Variants in POLR3B observed in about 807,000 individuals in gnomAD.
POLR3B encodes the protein RNA polymerase III subunit B, also known as DNA-directed RNA polymerase III subunit RPC2.
POLR3B carries 96 observed loss-of-function variants against 147.4 expected under a neutral mutation model. The observed-to-expected ratio is 0.65, with a 90% confidence interval of 0.55 to 0.77. POLR3B has a LOEUF of 0.77. POLR3B is among the 30% of genes least tolerant of loss of function. The probability of loss-of-function intolerance (pLI) is 0.00; values close to 1 mark genes in which losing one functional copy is unlikely to be tolerated. For synonymous variants in POLR3B, 461 were observed against 485.9 expected, an observed-to-expected ratio of 0.95 and a Z score of 0.67; for missense variants, 1,036 against 1,413.5, an observed-to-expected ratio of 0.73 and a Z score of 4.28.
At chr12:106,507,069 A>G (rs1190436907) in intron 27 of POLR3B, among the ~76,000 whole-genome samples, 2 of 152,186 alleles carry the variant, frequency 1.3e-5, no homozygotes, top group Non-Finnish European at 2.9e-5. Flanking sequence ...TGTTCTACAG[A>G]AGACACTAAG....
chr12:106,454,053 A>G (rs2037833495), intron 19 of POLR3B, among the ~76,000 whole-genome samples: 1 of 152,086 alleles, frequency 6.6e-6, no homozygotes, highest in South Asian at 2.1e-4. Flanking sequence ...TTTTTCATTT[A>G]GAACTTTTGC....
At chr12:106,496,989 G>A in intron 25 of POLR3B, 71 bp downstream of exon 25, 1 of 1,458,572 alleles carries the variant, frequency 6.9e-7, no homozygotes, top group Non-Finnish European at 9.5e-7. Context: ...AAAGCCTTAA[G>A]GTATACTCTA....
intron 18 of POLR3B, among the ~76,000 whole-genome samples, chr12:106,442,097 G>A (rs534475086): frequency 0.056 from 4,577 of 81,692 alleles, 167 homozygotes; most frequent in African/African-American, 0.23. Context: ...AAAAAAGAAA[G>A]AAAGAAAGAA....
At chr12:106,433,133 T>G (rs571984088) in intron 15 of POLR3B, among the ~76,000 whole-genome samples, 14 of 152,224 alleles carry the variant, frequency 9.2e-5, no homozygotes, top group Non-Finnish European at 1.9e-4. Context: ...TTTTTATATC[T>G]GCTGGTGAGG....
At chr12:106,376,309 T>C (rs773749536) in intron 6 of POLR3B, 50 bp from the exon 7 acceptor site, 3 of 1,294,992 alleles carry the variant, frequency 2.3e-6, no homozygotes, top group Non-Finnish European at 3.3e-6. Flanking sequence ...TTGCAGCTTT[T>C]ATCATTGACA....
intron 18 of POLR3B, among the ~76,000 whole-genome samples, chr12:106,442,143 A>C (rs771261175): frequency 1.1e-4 from 16 of 151,450 alleles, no homozygotes; most frequent in Non-Finnish European, 1.6e-4. Flanking sequence ...TTCTAAACTG[A>C]TGATTTTAAA....
intron 25 of POLR3B, 145 bp from the exon 26 acceptor site, chr12:106,501,178 A>T (rs766901570): frequency 4.0e-5 from 27 of 676,616 alleles, no homozygotes; most frequent in Non-Finnish European, 6.2e-5. Context: ...TTTTACAACT[A>T]GTCTTTTCAT....
chr12:106,444,665 T>C, intron 19 of POLR3B, 75 bp downstream of exon 19: 1 of 1,476,618 alleles, frequency 6.8e-7, no homozygotes, highest in Non-Finnish European at 9.4e-7. Context: ...TCTTTATTCC[T>C]GCTTCACCAG....
At chr12:106,475,873 G>A (rs1465056425) in intron 23 of POLR3B, among the ~76,000 whole-genome samples, 1 of 151,374 alleles carries the variant, frequency 6.6e-6, no homozygotes, top group Non-Finnish European at 1.5e-5. Context: ...TACATTTAAA[G>A]TTAATAGTGT....
At chr12:106,410,615 C>T (rs2037212160) in intron 11 of POLR3B, 1 of 575,016 alleles carries the variant, frequency 1.7e-6, no homozygotes, top group African/African-American at 1.9e-5. Flanking sequence ...ATCTTTGACA[C>T]AGAGGTACTC....
rs2038747020 is a variant in POLR3B, at chr12:106,509,791, CAGAT to C, written c.*243_*246del. On this transcript the variant is annotated 3_prime_UTR_variant, in exon 28 of 28. Coordinates refer to ENST00000228347, the MANE Select transcript of POLR3B (RefSeq NM_018082.6). ...GTGGACTGCAAGGCTGCTTGATTCA[CAGAT>C]GGATGTGACCTAAAGGATAAATAAG... 2.3e-6 allele frequency: 1 copy of C among 443,472 alleles called. No individual in the cohort carries two copies. Among genetic ancestry groups the C allele is most frequent in the African/African-American group, 2.0e-5 (1 of 49,814 alleles). 27.5% of individuals were successfully genotyped at this position (443,472 alleles called of 1,614,324 possible).
At chr12:106,422,185 T>G (rs1233222192) in intron 12 of POLR3B, among the ~76,000 whole-genome samples, 1 of 151,770 alleles carries the variant, frequency 6.6e-6, no homozygotes, top group Non-Finnish European at 1.5e-5. Context: ...ATGGGGGTGG[T>G]TTTTAATGGC....
chr12:106,504,385 C>T lies in POLR3B; in HGVS notation c.3272+131C>T. ...GATCACTAACATACCCTCCCTCATG[C>T]ATGTATTCCTGTCATTGGGGATACT... On this transcript the variant is annotated intron_variant, in intron 27 of 27. Coordinates refer to ENST00000228347, the MANE Select transcript of POLR3B (RefSeq NM_018082.6). This position sits in a 1 kb window ranked among gnomAD's most constrained non-coding sequence, Gnocchi z 4.6. 7 of 770,994 alleles carry T rather than the reference C, an allele frequency of 9.1e-6. No individual in the cohort carries two copies. Among genetic ancestry groups the T allele is most frequent in the South Asian group, 8.5e-5 (6 of 70,438 alleles). The allele number at this position is 770,994 out of a possible 1,614,324, so 47.8% of individuals were successfully genotyped here. A position where few individuals can be genotyped will look rare whatever the true frequency, so the allele number is the denominator to read the frequency against.
At chr12:106,425,291 C>T (rs550558297) in intron 12 of POLR3B, among the ~76,000 whole-genome samples, 115 of 152,286 alleles carry the variant, frequency 7.6e-4, no homozygotes, top group Middle Eastern at 3.4e-3. Context: ...TTTCCTGCTC[C>T]TCCCCTAGGG....
rs983042873 is a variant in POLR3B, at chr12:106,413,853, A to G, written c.1101+2893A>G. Among the ~76,000 whole-genome samples, 9 of 151,758 alleles carry G rather than the reference A, an allele frequency of 5.9e-5. No individual in the cohort carries two copies. In the South Asian group the frequency reaches 1.5e-3, roughly 24 times the overall value. On this transcript the variant is annotated intron_variant, in intron 12 of 27. Transcript: ENST00000228347. Reference sequence around the variant, plus strand: ...TAATTTAGCTCTTAGTTCATTTTCTATTCAGCCATGTTCAGTAATTGAGTT... The same window carrying G: ...TAATTTAGCTCTTAGTTCATTTTCTGTTCAGCCATGTTCAGTAATTGAGTT...
chr12:106,486,858 A>C (rs2038348476), intron 23 of POLR3B, among the ~76,000 whole-genome samples: 1 of 152,224 alleles, frequency 6.6e-6, no homozygotes, highest in African/African-American at 2.4e-5. Flanking sequence ...CAGGATTTCA[A>C]ACAGATGTAA....
intron 22 of POLR3B, among the ~76,000 whole-genome samples, chr12:106,463,014 T>C (rs1371573581): frequency 5.9e-5 from 9 of 152,126 alleles, no homozygotes. Flanking sequence ...TTGTTATGTG[T>C]CCGAAGGCTA....
At chr12:106,497,062 G>C in intron 25 of POLR3B, 144 bp downstream of exon 25, 1 of 742,112 alleles carries the variant, frequency 1.3e-6, no homozygotes, top group Non-Finnish European at 2.3e-6. Flanking sequence ...GGACGGCTTC[G>C]AATGCGGTCT....
At chr12:106,491,982 C>T (rs909637481) in intron 23 of POLR3B, among the ~76,000 whole-genome samples, 2 of 152,038 alleles carry the variant, frequency 1.3e-5, no homozygotes, top group African/African-American at 4.8e-5. Flanking sequence ...TGAGAACTGG[C>T]CATCAGCAAA....
Sources: allele counts gnomAD v4.1 joint callset (sites outside exome capture counted in the v4.1 genomes callset), GRCh38; gene constraint gnomAD v4.1.1; non-coding constraint Gnocchi (gnomAD v3.1); transcripts MANE v1.5; gene names NCBI Gene and HGNC (gene_info 2026-07-23, HGNC 2026-07-21).